NBAS: variants seen among roughly 807,000 people sequenced by gnomAD.
The protein encoded by NBAS is NAG/BC035112 fusion.
A neutral mutation model predicts 302.5 loss-of-function variants in NBAS; 219 were observed. That is an observed-to-expected ratio of 0.72 (90% CI 0.65 to 0.81). The LOEUF (loss-of-function observed/expected upper bound fraction) is 0.81, where lower values mean the gene tolerates loss of function less well. Ranked by LOEUF, NBAS falls within the 30% of genes least tolerant of loss-of-function variation. The pLI is 0.00. For synonymous variants in NBAS, 1,118 were observed against 1,021.6 expected (o/e 1.09, Z -1.80); for missense variants, 2,932 against 2,841.6 (o/e 1.03, Z -0.72).
chr2:15,335,652 C>T (rs888428351), intron 35 of NBAS, among the ~76,000 whole-genome samples: 1 of 152,256 alleles, frequency 6.6e-6, no homozygotes, highest in Non-Finnish European at 1.5e-5. Flanking sequence ...CTGTTTGAGT[C>T]TTTTGCCATT....
the NBAS span, among the ~76,000 whole-genome samples, chr2:14,931,648 G>A: frequency 1.3e-5 from 2 of 152,184 alleles, no homozygotes; most frequent in Non-Finnish European, 2.9e-5. Context: ...TGTGCAGCAT[G>A]AGGTGGAAAA....
the NBAS span, among the ~76,000 whole-genome samples, chr2:14,966,311 T>A: frequency 1.3e-5 from 2 of 152,186 alleles, no homozygotes; most frequent in Non-Finnish European, 2.9e-5. Context: ...TGAATGCAGG[T>A]CTAGGTTAAC....
chr2:15,295,323 C>T (rs1028804802), intron 40 of NBAS, among the ~76,000 whole-genome samples: 11 of 152,346 alleles, frequency 7.2e-5, no homozygotes, highest in African/African-American at 2.2e-4. Context: ...TGAGTCTCCA[C>T]ATACAATCTT....
At chr2:14,984,678 T>C in the NBAS span, among the ~76,000 whole-genome samples, 1 of 152,150 alleles carries the variant, frequency 6.6e-6, no homozygotes, top group Admixed American at 6.6e-5. Flanking sequence ...ATATTCCCCA[T>C]CCCACCCCTT....
the NBAS span, among the ~76,000 whole-genome samples, chr2:15,057,655 A>G: frequency 1.5e-3 from 222 of 152,288 alleles, no homozygotes; most frequent in Middle Eastern, 3.4e-3. Flanking sequence ...GAGCTCCCAC[A>G]TATCAGTGAG....
At chr2:15,393,666 A>C (rs769667642) in intron 28 of NBAS, 4 of 378,710 alleles carry the variant, frequency 1.1e-5, no homozygotes, top group Non-Finnish European at 2.2e-5. Context: ...TAGCAACTTT[A>C]TTTGTAAAAG....
chr2:15,066,920 A>G, the NBAS span, among the ~76,000 whole-genome samples: 5 of 152,192 alleles, frequency 3.3e-5, no homozygotes, highest in African/African-American at 7.2e-5. Context: ...TCATTGCAGC[A>G]TTGTTCACAA....
chr2:15,040,494 C>T, the NBAS span, among the ~76,000 whole-genome samples: 1 of 152,110 alleles, frequency 6.6e-6, no homozygotes, highest in African/African-American at 2.4e-5. Flanking sequence ...TTCAGGGCTC[C>T]GGAAGAAAAA....
intron 21 of NBAS, among the ~76,000 whole-genome samples, chr2:15,444,715 G>A (rs1163296254): frequency 2.0e-5 from 3 of 150,980 alleles, no homozygotes; most frequent in East Asian, 3.9e-4. Context: ...GAGTGAACAG[G>A]CAACCTACAA....
chr2:15,123,706 TA>T, the NBAS span, among the ~76,000 whole-genome samples: 1 of 152,144 alleles, frequency 6.6e-6, no homozygotes, highest in Non-Finnish European at 1.5e-5. Context: ...CCTTCTACTA[TA>T]ATTGCAAGCT....
At chr2:15,524,523 A>C (rs577647795) in intron 9 of NBAS, among the ~76,000 whole-genome samples, 1 of 152,320 alleles carries the variant, frequency 6.6e-6, no homozygotes, top group Admixed American at 6.5e-5. Flanking sequence ...AGACAAGAGA[A>C]GATGGATATC....
the NBAS span, among the ~76,000 whole-genome samples, chr2:14,799,035 C>T: frequency 1.3e-5 from 2 of 151,828 alleles, no homozygotes; most frequent in African/African-American, 2.4e-5. Flanking sequence ...ATTTTTCTCT[C>T]ATATTTGCTA....
At chr2:15,089,647 G>T in the NBAS span, among the ~76,000 whole-genome samples, 1 of 151,620 alleles carries the variant, frequency 6.6e-6, no homozygotes, top group South Asian at 2.1e-4. Context: ...AGAAATACCT[G>T]CCCAGTGTTG....
chr2:15,489,105 G>A, intron 11 of NBAS, 83 bp from the exon 12 acceptor site: 1 of 1,455,080 alleles, frequency 6.9e-7, no homozygotes, highest in Non-Finnish European at 9.5e-7. Flanking sequence ...CTTTAGAGGT[G>A]CCAAGTTATA....
chr2:15,088,082 G>A, the NBAS span, among the ~76,000 whole-genome samples: 2 of 152,346 alleles, frequency 1.3e-5, no homozygotes, highest in African/African-American at 4.8e-5. Flanking sequence ...TGGGGCCCTG[G>A]AGGTACTCCT....
chr2:14,901,730 T>C, the NBAS span, among the ~76,000 whole-genome samples: 2 of 152,334 alleles, frequency 1.3e-5, no homozygotes, highest in East Asian at 3.9e-4. Context: ...TAATTCATCA[T>C]TTTTAAATAC....
At chr2:15,177,538 T>C (rs1664605452) in intron 51 of NBAS, among the ~76,000 whole-genome samples, 1 of 152,238 alleles carries the variant, frequency 6.6e-6, no homozygotes, top group African/African-American at 2.4e-5. Context: ...ATGATGAATA[T>C]GGAAAGGCAC....
chr2:15,454,801 C>A (rs1041701364), intron 21 of NBAS, among the ~76,000 whole-genome samples: 3 of 152,174 alleles, frequency 2.0e-5, no homozygotes, highest in African/African-American at 7.2e-5. Context: ...TCTTCTGATA[C>A]TCACCTTCCA....
chr2:15,238,832 CT>C, intron 44 of NBAS, 146 bp from the exon 45 acceptor site: 1 of 686,896 alleles, frequency 1.5e-6, no homozygotes, highest in Non-Finnish European at 2.3e-6. Context: ...AGTTTTTCTT[CT>C]GTGAAGAAAA....
Sources: gnomAD v4.1 joint callset for allele counts (sites outside exome capture counted in the v4.1 genomes callset) on GRCh38, gnomAD v4.1.1 for gene constraint, MANE v1.5 for transcripts, NCBI Gene and HGNC (gene_info 2026-07-23, HGNC 2026-07-21) for gene names.